TNFRSF8: variants seen among roughly 807,000 people sequenced by gnomAD.
TNFRSF8 encodes the protein TNF receptor superfamily member 8.
Under a neutral mutation model 70.8 loss-of-function variants are expected in TNFRSF8, and 26 were observed. The observed-to-expected ratio is 0.37, with a 90% CI of 0.27 to 0.51. The LOEUF (loss-of-function observed/expected upper bound fraction) is 0.51, where lower values mean the gene tolerates loss of function less well. Among genes scored for constraint, TNFRSF8 ranks in the 20% least tolerant of loss-of-function variants. TNFRSF8 has a pLI of 0.94. For missense variants in TNFRSF8, 720 were observed against 807.9 expected, an observed-to-expected ratio of 0.89 and a Z score of 1.32; for synonymous variants, 356 against 339.2, an observed-to-expected ratio of 1.05 and a Z score of -0.54.
At chr1:12,125,891 C>A in intron 10 of TNFRSF8, 60 bp from the exon 11 acceptor site, 2 of 1,358,634 alleles carry the variant, frequency 1.5e-6, no homozygotes, top group Non-Finnish European at 2.1e-6. Context: ...TCGTCTGGGG[C>A]TGGGGCTGTC....
chr1:12,074,733 C>T (rs1336025673), intron 1 of TNFRSF8, among the ~76,000 whole-genome samples: 3 of 152,126 alleles, frequency 2.0e-5, no homozygotes, highest in East Asian at 1.9e-4. Context: ...TGAGAAGCCC[C>T]GTGATCTAAA....
chr1:12,080,139 G>A (rs1027994652), intron 1 of TNFRSF8, among the ~76,000 whole-genome samples: 3 of 151,826 alleles, frequency 2.0e-5, no homozygotes, highest in African/African-American at 7.3e-5. Context: ...AGCAGAGACG[G>A]GGTTTTGCTA....
At chr1:12,129,351 A>T (rs921644337) in intron 12 of TNFRSF8, among the ~76,000 whole-genome samples, 37 of 152,224 alleles carry the variant, frequency 2.4e-4, no homozygotes, top group Non-Finnish European at 1.5e-5. Context: ...TGTTTCAGAC[A>T]GACAAGGGTG....
At chr1:12,118,744 A>ATGGC (rs1641778511) in intron 8 of TNFRSF8, among the ~76,000 whole-genome samples, 2 of 152,204 alleles carry the variant, frequency 1.3e-5, no homozygotes, top group Non-Finnish European at 2.9e-5. Context: ...GCCATCAACG[A>ATGGC]TGGCTCCGCC....
At chr1:12,135,801 G>A (rs1166656819) in intron 13 of TNFRSF8, among the ~76,000 whole-genome samples, 188 bp downstream of exon 13, 2 of 152,174 alleles carry the variant, frequency 1.3e-5, no homozygotes, top group Non-Finnish European at 2.9e-5. Flanking sequence ...ACCCACCACA[G>A]GGACCTCTGT....
chr1:12,124,860 AAACAAAACAAAAC>A (rs1198937861), intron 10 of TNFRSF8, among the ~76,000 whole-genome samples: 9 of 151,068 alleles, frequency 6.0e-5, no homozygotes, highest in Non-Finnish European at 1.3e-4. Context: ...AAACAAAACA[AAACAAAACAAAAC>A]AAAACAAACA....
At position 12,128,332 on chromosome 1, in the gene TNFRSF8, G is replaced by A. The variant is rs533696493; in HGVS notation, c.1309+2096G>A. Among the ~76,000 whole-genome samples the A allele has an allele frequency of 8.9e-4, 136 of 152,332 alleles. 2 individuals carry two copies. In the South Asian group the frequency reaches 0.027, roughly 30 times the overall value. ...CCACATCCCAGACCTGGGGCAGAGG[G>A]TGCTCTTGGTTCCTTTGAGCAGTGA... On this transcript the variant is annotated intron_variant, in intron 12 of 14. Coordinates refer to ENST00000263932, the MANE Select transcript of TNFRSF8 (RefSeq NM_001243.5).
chr1:12,114,495 G>A (rs1490573037), intron 7 of TNFRSF8, among the ~76,000 whole-genome samples: 4 of 151,136 alleles, frequency 2.6e-5, no homozygotes, highest in Non-Finnish European at 5.9e-5. Context: ...TTATCATGCT[G>A]GGTCTCTAAG....
At position 12,141,684 on chromosome 1, in the gene TNFRSF8, G is replaced by T. The variant is rs1642256404; in HGVS notation, c.1544-603G>T. On this transcript the variant is annotated intron_variant, in intron 14 of 14. Transcript: ENST00000263932. The surrounding 1 kb of genome is among the most constrained non-coding windows in gnomAD (Gnocchi z 5.4). ...ACGGGACTTGCAGTAGTAGAACCAG[G>T]AATGTTCCCGGGCAAGCTGGACAAG... is the stretch of plus-strand genomic sequence containing the variant. 6.6e-6 allele frequency among the ~76,000 whole-genome samples: 1 copy of T among 152,232 alleles called. No individual in the cohort carries two copies. The highest frequency in any genetic ancestry group is 2.4e-5 in the African/African-American group (1 of 41,464).
Position 12,109,642 on chromosome 1 carries a change from C to T in TNFRSF8, c.498C>T (p.Cys166=). ...CTGCCTGTGCCAGCCCAGAGAACTG[C>T]AAGGAACCCTCCAGGTGACTCCCTG... ...VSPACASPEN[C]KEPSSGTIPQ... The change falls in exon 5 of 15, where the codon TGC becomes TGT. Residue 166 remains cysteine, a synonymous_variant. Transcript: ENST00000263932. This position sits in a 1 kb window ranked among gnomAD's most constrained non-coding sequence, Gnocchi z 4.4. The T allele has an allele frequency of 3.7e-6, 6 of 1,613,708 alleles. No homozygotes were observed. Among genetic ancestry groups the T allele is most frequent in the Non-Finnish European group, 5.1e-6 (6 of 1,179,878 alleles).
chr1:12,075,816 A>G lies in TNFRSF8; in HGVS notation c.64-8648A>G, dbSNP rs373215761. ...CGCCTAAATCCAGCCCCAAAACATC[A>G]GCCTAACGGCTAACGTCAGCATGAC... is the stretch of plus-strand genomic sequence containing the variant. On this transcript the variant is annotated intron_variant, in intron 1 of 14. Transcript: ENST00000263932. 2.6e-5 allele frequency among the ~76,000 whole-genome samples: 4 copies of G among 152,346 alleles called. No individual in the cohort carries two copies. In the East Asian group the frequency reaches 7.7e-4, roughly 29 times the overall value.
At chr1:12,124,876 AAC>A (rs1491399029) in intron 10 of TNFRSF8, among the ~76,000 whole-genome samples, 2 of 144,380 alleles carry the variant, frequency 1.4e-5, no homozygotes, top group African/African-American at 5.2e-5. Context: ...AACAAAACAA[AAC>A]AAACAAAACC....
At position 12,113,633 on chromosome 1, in the gene TNFRSF8, G is replaced by C. The variant is rs1037358748; in HGVS notation, c.793+1619G>C. ...AGAGAGACAGAAAGAGGGAGAGAGA[G>C]AGACAGAAAGAGAAAGAGACGGAGT... On this transcript the variant is annotated intron_variant, in intron 7 of 14. Coordinates refer to ENST00000263932, the MANE Select transcript of TNFRSF8 (RefSeq NM_001243.5). The surrounding 1 kb of genome is among the most constrained non-coding windows in gnomAD (Gnocchi z 4.9). Among the ~76,000 whole-genome samples the C allele has an allele frequency of 6.6e-6, 1 of 151,842 alleles. No homozygotes were observed. Among genetic ancestry groups the C allele is most frequent in the Non-Finnish European group, 1.5e-5 (1 of 67,988 alleles).
chr1:12,086,149 G>A (rs1050485559), intron 2 of TNFRSF8, among the ~76,000 whole-genome samples: 26 of 152,150 alleles, frequency 1.7e-4, no homozygotes, highest in Admixed American at 2.0e-4. Context: ...GGAGCTGCGC[G>A]GGAACCCAGG....
intron 3 of TNFRSF8, among the ~76,000 whole-genome samples, chr1:12,098,028 T>C (rs1641360254): frequency 6.6e-6 from 1 of 152,172 alleles, no homozygotes; most frequent in Admixed American, 6.5e-5. Context: ...ATTGTGTTCT[T>C]TCTATTTTTG....
At chr1:12,092,855 G>C (rs927916336) in intron 2 of TNFRSF8, among the ~76,000 whole-genome samples, 24 of 151,480 alleles carry the variant, frequency 1.6e-4, no homozygotes, top group Admixed American at 1.3e-3. Context: ...GCCCAGGCTG[G>C]AGTGCAGTGG....
chr1:12,140,987 C>T (rs1048684732), intron 14 of TNFRSF8, among the ~76,000 whole-genome samples: 1 of 152,262 alleles, frequency 6.6e-6, no homozygotes, highest in Admixed American at 6.5e-5. Flanking sequence ...TGAGGCCCTG[C>T]TCTGTTTTGG....
At chr1:12,106,255 G>A (rs534387876) in intron 4 of TNFRSF8, among the ~76,000 whole-genome samples, 20 of 152,186 alleles carry the variant, frequency 1.3e-4, no homozygotes, top group Admixed American at 3.3e-4. Flanking sequence ...GTTGGAGGAC[G>A]TGTGTGCTTC....
At chr1:12,074,560 A>C (rs1008419038) in intron 1 of TNFRSF8, among the ~76,000 whole-genome samples, 1 of 152,168 alleles carries the variant, frequency 6.6e-6, no homozygotes, top group African/African-American at 2.4e-5. Context: ...GATTACAGGC[A>C]TGAGCCACCA....
Sources: allele counts gnomAD v4.1 joint callset (sites outside exome capture counted in the v4.1 genomes callset), GRCh38; gene constraint gnomAD v4.1.1; non-coding constraint Gnocchi (gnomAD v3.1); transcripts MANE v1.5; gene names NCBI Gene and HGNC (gene_info 2026-07-23, HGNC 2026-07-21).